The following SDHA variants were observed in gnomAD, a reference collection of about 807,000 sequenced individuals.
SDHA encodes succinate dehydrogenase [ubiquinone] flavoprotein subunit, mitochondrial.
SDHA carries 48 observed loss-of-function variants against 78.4 expected under a neutral mutation model. The observed-to-expected ratio is 0.61, with a 90% CI of 0.49 to 0.78. SDHA has a LOEUF of 0.78. Among genes scored for constraint, SDHA ranks in the 30% least tolerant of loss-of-function variants. SDHA has a pLI of 0.00. For synonymous variants in SDHA, 326 were observed against 353.9 expected, an observed-to-expected ratio of 0.92 and a Z score of 0.88; for missense variants, 680 against 892.7, an observed-to-expected ratio of 0.76 and a Z score of 3.04.
At chr5:250,856 C>A in intron 11 of SDHA, 136 bp from the exon 12 acceptor site, 1 of 774,372 alleles carries the variant, frequency 1.3e-6, no homozygotes, top group Non-Finnish European at 2.2e-6. Flanking sequence ...AACTCATAGT[C>A]TGAATTTCCT....
chr5:229,484 G>C (rs1387875373), intron 6 of SDHA, among the ~76,000 whole-genome samples: 1 of 152,232 alleles, frequency 6.6e-6, no homozygotes, highest in Non-Finnish European at 1.5e-5. Context: ...ATTATGTTAA[G>C]TGAAACGAGC....
chr5:227,510 C>A (rs1735107915), intron 5 of SDHA: 1 of 157,258 alleles, frequency 6.4e-6, no homozygotes, highest in Non-Finnish European at 1.4e-5. Flanking sequence ...ACACCAGTGA[C>A]TTCTCTGTGG....
At chr5:227,141 G>GC (rs1735080082) in intron 5 of SDHA, among the ~76,000 whole-genome samples, 1 of 151,948 alleles carries the variant, frequency 6.6e-6, no homozygotes. Context: ...CTCCCGAGTA[G>GC]CTGGGACTAC....
Position 223,493 on chromosome 5 carries a change from G to C in SDHA, c.75G>C (p.Val25=), listed in dbSNP as rs774378936. 2 of 1,612,932 alleles carry C rather than the reference G, an allele frequency of 1.2e-6. No individual in the cohort carries two copies. Among genetic ancestry groups the C allele is most frequent in the South Asian group, 2.2e-5 (2 of 91,056 alleles). The change falls in exon 2 of 15, where the codon GTG becomes GTC. Residue 25 remains valine, a synonymous_variant. Coordinates refer to ENST00000264932, the MANE Select transcript of SDHA (RefSeq NM_004168.4). ...TTCTGTGTCTCCAGTGGCCAACAGT[G>C]TTGCAAACAGGAACCCGAGGTTTTC... ...RLALAKAWPT[V]LQTGTRGFHF... is the part of the protein sequence containing the mutation.
At chr5:250,867 A>G (rs537636204) in intron 11 of SDHA, 125 bp from the exon 12 acceptor site, 11 of 837,284 alleles carry the variant, frequency 1.3e-5, no homozygotes, top group Non-Finnish European at 2.0e-5. Context: ...TGAATTTCCT[A>G]ATTTTTCTGT....
chr5:252,254 TCAAGCCTGCCCTGTGGAG>T (rs1298826191), intron 13 of SDHA, among the ~76,000 whole-genome samples: 4 of 130,014 alleles, frequency 3.1e-5, no homozygotes, highest in African/African-American at 1.5e-4. Flanking sequence ...AGCCACCGTT[TCAAGCCTGCCCTGTGGAG>T]GAAATGCCCG....
chr5:262,638 C>T, the SDHA span, among the ~76,000 whole-genome samples: 1 of 152,226 alleles, frequency 6.6e-6, no homozygotes, highest in African/African-American at 2.4e-5. Flanking sequence ...TGAAACCAGT[C>T]CCTGGTGCCA....
the SDHA span, among the ~76,000 whole-genome samples, chr5:262,542 T>TA: frequency 0.23 from 34,816 of 150,956 alleles, 5,632 homozygotes; most frequent in African/African-American, 0.5. Flanking sequence ...TATGAAAATC[T>TA]AATGCTGATG....
Position 225,428 on chromosome 5 carries a change from A to C in SDHA, c.322A>C (p.Asn108His). 1 of 1,612,546 alleles carries C rather than the reference A, an allele frequency of 6.2e-7. No individual in the cohort carries two copies. ...SHTVAAQGGI[N>H]AALGNMEEDN... ...TGGTTGGTGTTTCCAGGGAGGAATC[A>C]ATGCTGCTCTGGGGAACATGGAGGA... Residue 108 changes from asparagine (N) to histidine (H), a missense_variant, in exon 4 of 15, where the codon AAT (asparagine) becomes CAT (histidine). Physicochemically the swap from Asn to His is moderately conservative, Grantham distance 68. Coordinates refer to ENST00000264932, the MANE Select transcript of SDHA (RefSeq NM_004168.4).
intron 7 of SDHA, among the ~76,000 whole-genome samples, chr5:231,815 A>G (rs1250929138): frequency 5.9e-5 from 9 of 152,162 alleles, no homozygotes; most frequent in Admixed American, 1.3e-4. Flanking sequence ...ATGTAAAGTT[A>G]GGACGCAGCC....
In SDHA at chr5:251,457, G is replaced by T. The variant is rs756312616; in HGVS notation, c.1783G>T (p.Glu595Ter). Residue 595 changes from glutamate (E) to a stop codon, truncating the protein, a stop_gained, in exon 13 of 15, where the codon GAA becomes TAA. Coordinates refer to ENST00000264932, the MANE Select transcript of SDHA (RefSeq NM_004168.4). LOFTEE classifies it high-confidence loss of function. ...GGAGTCACGGGGCGCGCATGCCAGGGAAGACTACAAGGTGGGCCTTCTCAC... is the reference window on the plus strand; with the variant it reads ...GGAGTCACGGGGCGCGCATGCCAGGTAAGACTACAAGGTGGGCCTTCTCAC... ...RKESRGAHAR[E>*]DYKVRIDEYD... The T allele has an allele frequency of 6.2e-7, 1 of 1,614,006 alleles. No individual in the cohort carries two copies.
intron 3 of SDHA, chr5:224,736 C>G (rs1179427994): frequency 1.7e-6 from 1 of 591,440 alleles, no homozygotes; most frequent in Non-Finnish European, 3.0e-6. Flanking sequence ...CTAATTCAGA[C>G]TCCAGTCACA....
chr5:258,806 C>G (rs1224967404), downstream of SDHA, among the ~76,000 whole-genome samples: 13 of 69,198 alleles, frequency 1.9e-4, no homozygotes, highest in South Asian at 1.5e-3. Context: ...CCTCCCGTCA[C>G]AGCATTACCG....
At chr5:230,531 C>T (rs1303921844) in intron 6 of SDHA, among the ~76,000 whole-genome samples, 1 of 152,124 alleles carries the variant, frequency 6.6e-6, no homozygotes, top group Non-Finnish European at 1.5e-5. Context: ...GAGGCTGAGG[C>T]GGAAGAATCA....
rs369839452 is a variant in SDHA at position 224,309 on chromosome 5, A to G, written c.151-51A>G. The G allele has an allele frequency of 3.2e-6, 5 of 1,584,354 alleles. No individual in the cohort carries two copies. In the South Asian group the frequency reaches 3.3e-5, roughly 11 times the overall value. ...CTCTTTCACTGTCACAAGATTCTTC[A>G]TGTTTGGCATAGTGGAACATGTGAT... On this transcript the variant is annotated intron_variant, in intron 2 of 14. Transcript: ENST00000264932.
intron 10 of SDHA, among the ~76,000 whole-genome samples, chr5:239,241 CT>C (rs1735980932): frequency 6.6e-6 from 1 of 151,548 alleles, no homozygotes. Flanking sequence ...AACTTAAAAA[CT>C]TTTTTCAAGA....
At chr5:268,320 T>C in the SDHA span, among the ~76,000 whole-genome samples, 3 of 152,032 alleles carry the variant, frequency 2.0e-5, no homozygotes, top group Non-Finnish European at 2.9e-5. Flanking sequence ...GTAGCTGGGA[T>C]TACAGGCACC....
chr5:236,492 C>T lies in SDHA; in HGVS notation c.1325C>T (p.Ala442Val). 1.2e-6 allele frequency: 2 copies of T among 1,613,974 alleles called. No individual in the cohort carries two copies. Among genetic ancestry groups the T allele is most frequent in the Non-Finnish European group, 1.7e-6 (2 of 1,179,822 alleles). Reference protein sequence around the residue: ...VPGLYACGEAACASVHGANRL... With the variant: ...VPGLYACGEAVCASVHGANRL... The stretch of plus-strand genomic sequence containing the variant: ...GGCCTGTACGCCTGTGGGGAGGCCG[C>T]CTGTGCCTCGGTACATGGTGCCAAC... The change falls in exon 10 of 15, where the codon GCC becomes GTC. Residue 442 changes from alanine to valine, a missense_variant. Ala to Val is a moderately conservative substitution (Grantham distance 64). Coordinates refer to ENST00000264932, the MANE Select transcript of SDHA (RefSeq NM_004168.4).
In SDHA at chr5:218,364, G is replaced by T. The variant is rs1252447154; in HGVS notation, c.9G>T (p.Gly3=). Residue 3 remains glycine, a synonymous_variant, in exon 1 of 15, where the codon GGG becomes GGT. Coordinates refer to ENST00000264932, the MANE Select transcript of SDHA (RefSeq NM_004168.4). ...CGGCGGCAACAGCAGACATGTCGGG[G>T]GTCCGGGGCCTGTCGCGGCTGCTGA... MS[G]VRGLSRLLSA... is the part of the protein sequence containing the mutation. 3.4e-6 allele frequency: 5 copies of T among 1,460,672 alleles called. No homozygotes were observed. In the African/African-American group the frequency reaches 4.4e-5, roughly 13 times the overall value. 90.5% of individuals were successfully genotyped at this position (1,460,672 alleles called of 1,614,324 possible).
Sources: allele counts gnomAD v4.1 joint callset (sites outside exome capture counted in the v4.1 genomes callset), GRCh38; gene constraint gnomAD v4.1.1; transcripts MANE v1.5; gene names NCBI Gene and HGNC (gene_info 2026-07-23, HGNC 2026-07-21).